Variants in SACM1L observed in about 807,000 individuals in gnomAD.
SACM1L encodes the protein SAC1 like phosphatidylinositide phosphatase.
In SACM1L, 32 loss-of-function variants were observed where a neutral mutation model predicts 89.5. The observed-to-expected ratio is 0.36, with a 90% CI of 0.27 to 0.48. The LOEUF (loss-of-function observed/expected upper bound fraction) is 0.48. Ranked by LOEUF, SACM1L falls within the 20% of genes least tolerant of loss-of-function variation. The pLI is 0.99. For missense variants in SACM1L, 543 were observed against 708.5 expected (o/e 0.77, Z 2.65); for synonymous variants, 213 against 232.8 (o/e 0.92, Z 0.77).
In SACM1L at chr3:45,743,737, C is replaced by T; in HGVS notation, c.*68C>T. On this transcript the variant is annotated 3_prime_UTR_variant, in exon 20 of 20. Transcript: ENST00000389061. ...GTGCAGAACTGGAGTCTTTACTGAC[C>T]CGCTTTCCACATCAGCCCAAGGTCT... 2.6e-6 allele frequency: 4 copies of T among 1,517,674 alleles called. No homozygotes were observed. In the South Asian group the frequency reaches 5.2e-5, roughly 20 times the overall value. The allele number at this position is 1,517,674 out of a possible 1,614,324, so 94.0% of individuals were successfully genotyped here.
At chr3:45,726,859 T>G in intron 11 of SACM1L, among the ~76,000 whole-genome samples, 1 of 86,476 alleles carries the variant, frequency 1.2e-5, no homozygotes, top group African/African-American at 4.4e-5. Flanking sequence ...GCACTGCTTT[T>G]GCTTTATTTC....
At chr3:45,713,267 G>C (rs182141015) in intron 6 of SACM1L, 71 bp downstream of exon 6, 28 of 1,148,634 alleles carry the variant, frequency 2.4e-5, no homozygotes, top group Non-Finnish European at 3.4e-5. Flanking sequence ...GCTATAAAGT[G>C]ACTTCCTAAT....
At chr3:45,706,928 C>T (rs1226795205) in intron 4 of SACM1L, 21 bp downstream of exon 4, 1 of 1,611,008 alleles carries the variant, frequency 6.2e-7, no homozygotes, top group South Asian at 1.1e-5. Context: ...GAAATTGTTA[C>T]TAATTGCAGC....
chr3:45,735,684 A>G (rs772690472), intron 14 of SACM1L, among the ~76,000 whole-genome samples: 2 of 152,146 alleles, frequency 1.3e-5, no homozygotes, highest in Non-Finnish European at 2.9e-5. Context: ...TAGAGAATAT[A>G]TCTGTATATG....
At chr3:45,713,398 A>G (rs186815424) in intron 6 of SACM1L, 4 of 407,132 alleles carry the variant, frequency 9.8e-6, no homozygotes, top group African/African-American at 6.2e-5. Context: ...CTGATCTTCT[A>G]TAGAAGCCTT....
intron 2 of SACM1L, among the ~76,000 whole-genome samples, chr3:45,704,221 A>C (rs896631348): frequency 6.6e-6 from 1 of 152,148 alleles, no homozygotes. Context: ...TAAAGATTCT[A>C]TTCACCCCCA....
intron 11 of SACM1L, among the ~76,000 whole-genome samples, chr3:45,725,696 C>CCTAATTGGTG (rs1698902829): frequency 7.2e-6 from 1 of 137,978 alleles, no homozygotes. Flanking sequence ...TTTTTTTTTT[C>CCTAATTGGTG]TTGCCTAATT....
intron 19 of SACM1L, among the ~76,000 whole-genome samples, chr3:45,741,163 C>T (rs1393354846): frequency 1.3e-5 from 2 of 152,116 alleles, no homozygotes; most frequent in East Asian, 1.9e-4. Flanking sequence ...ATCCTGAATT[C>T]GTTGAGCCAA....
chr3:45,704,231 A>C (rs899190760), intron 2 of SACM1L, among the ~76,000 whole-genome samples: 2 of 152,196 alleles, frequency 1.3e-5, no homozygotes, highest in African/African-American at 4.8e-5. Flanking sequence ...ATTCACCCCC[A>C]GAGTTCTATA....
At chr3:45,702,433 C>G (rs886979978) in intron 1 of SACM1L, among the ~76,000 whole-genome samples, 1 of 152,126 alleles carries the variant, frequency 6.6e-6, no homozygotes, top group Non-Finnish European at 1.5e-5. Context: ...TCTTTTAAGT[C>G]TGGTTTGTGA....
chr3:45,703,544 C>A lies in SACM1L; in HGVS notation c.130+9C>A. The A allele has an allele frequency of 6.3e-7, 1 of 1,575,790 alleles. No individual in the cohort carries two copies. The highest frequency in any genetic ancestry group is 8.7e-7 in the Non-Finnish European group (1 of 1,146,222). Reference sequence around the variant, plus strand: ...AGAGGTTACCCTTGCAGGTATTTTACAGCCAGATTTAGAAGTTTAGGGAGA... The same window carrying A: ...AGAGGTTACCCTTGCAGGTATTTTAAAGCCAGATTTAGAAGTTTAGGGAGA... On this transcript the variant is annotated intron_variant, in intron 2 of 19. Coordinates refer to ENST00000389061, the MANE Select transcript of SACM1L (RefSeq NM_014016.5).
At chr3:45,726,296 T>A (rs1236973197) in intron 11 of SACM1L, among the ~76,000 whole-genome samples, 3 of 152,118 alleles carry the variant, frequency 2.0e-5, no homozygotes, top group Non-Finnish European at 2.9e-5. Flanking sequence ...TTGGTACAAT[T>A]CACTGGTGAG....
chr3:45,730,238 A>C (rs1315383805), intron 11 of SACM1L, among the ~76,000 whole-genome samples: 1 of 149,916 alleles, frequency 6.7e-6, no homozygotes, highest in South Asian at 2.1e-4. Context: ...TTTTTTAATT[A>C]TATGTTTGAT....
chr3:45,699,207 C>T (rs770010922), intron 1 of SACM1L, among the ~76,000 whole-genome samples: 4 of 151,790 alleles, frequency 2.6e-5, no homozygotes, highest in East Asian at 1.9e-4. Flanking sequence ...ATATCTAGCG[C>T]ACCAGCATGG....
chr3:45,704,061 T>C (rs977491879), intron 2 of SACM1L, among the ~76,000 whole-genome samples: 1 of 152,248 alleles, frequency 6.6e-6, no homozygotes, highest in African/African-American at 2.4e-5. Flanking sequence ...AGTTATACTT[T>C]GGTTATGCTT....
Position 45,701,425 on chromosome 3 carries a change from G to A in SACM1L, c.33-2013G>A, listed in dbSNP as rs114085576. 2.3e-3 allele frequency among the ~76,000 whole-genome samples: 349 copies of A among 152,126 alleles called. 4 individuals are homozygous for A. Among genetic ancestry groups the A allele is most frequent in the African/African-American group, 7.3e-3 (301 of 41,482 alleles). Reference sequence around the variant, plus strand: ...AGTGCTTGCATAATGCTTAGTATGCGGTAGCCTTTTGGTAAATGTTAATGG... The same window carrying A: ...AGTGCTTGCATAATGCTTAGTATGCAGTAGCCTTTTGGTAAATGTTAATGG... On this transcript the variant is annotated intron_variant, in intron 1 of 19. Coordinates refer to ENST00000389061, the MANE Select transcript of SACM1L (RefSeq NM_014016.5).
chr3:45,741,394 G>A (rs1323486922), intron 19 of SACM1L, among the ~76,000 whole-genome samples: 2 of 152,114 alleles, frequency 1.3e-5, no homozygotes, highest in Admixed American at 1.3e-4. Flanking sequence ...CATACCCAGT[G>A]TGTATTTCTT....
Position 45,689,461 on chromosome 3 carries a change from G to T in SACM1L, c.-5G>T. ...GAGAGAGAAGGAAGGAGGTGGTTGT[G>T]CAGGATGGCGACGGCGGCCTACGAG... On this transcript the variant is annotated 5_prime_UTR_variant, in exon 1 of 20. Transcript: ENST00000389061. 6.4e-7 allele frequency: 1 copy of T among 1,572,652 alleles called. No individual in the cohort carries two copies. Among genetic ancestry groups the T allele is most frequent in the Non-Finnish European group, 8.6e-7 (1 of 1,159,792 alleles).
chr3:45,709,216 C>T (rs1166159454), intron 4 of SACM1L, among the ~76,000 whole-genome samples: 1 of 152,162 alleles, frequency 6.6e-6, no homozygotes, highest in African/African-American at 2.4e-5. Flanking sequence ...GTTAAAACTA[C>T]TCTTCTGCCT....
Sources: gnomAD v4.1 joint callset for allele counts (sites outside exome capture counted in the v4.1 genomes callset) on GRCh38, gnomAD v4.1.1 for gene constraint, MANE v1.5 for transcripts, NCBI Gene and HGNC (gene_info 2026-07-23, HGNC 2026-07-21) for gene names.